The following SLC31A1 variants were observed in gnomAD, a reference collection of about 807,000 sequenced individuals.
The protein encoded by SLC31A1 is solute carrier family 31 member 1.
Under a neutral mutation model 17.2 loss-of-function variants are expected in SLC31A1, and 5 were observed. That is an observed-to-expected ratio of 0.29 (90% CI 0.15 to 0.61). The LOEUF is 0.61. Among genes scored for constraint, SLC31A1 ranks in the 20% least tolerant of loss-of-function variants. The pLI, the probability that SLC31A1 is intolerant of heterozygous loss-of-function variation, is 0.86. For synonymous variants in SLC31A1, 76 were observed against 78.8 expected (o/e 0.96, Z 0.19); for missense variants, 161 against 241.4 (o/e 0.67, Z 2.21).
In SLC31A1 at chr9:113,246,816, T is replaced by G. The variant is rs1425030393; in HGVS notation, c.-35-9298T>G. Among the ~76,000 whole-genome samples the G allele has an allele frequency of 4.6e-5, 7 of 151,950 alleles. No homozygotes were observed. The East Asian group carries it at 1.4e-3, about 29-fold the overall frequency. On this transcript the variant is annotated intron_variant, in intron 1 of 4. Coordinates refer to ENST00000374212, the MANE Select transcript of SLC31A1 (RefSeq NM_001859.4). ...AGACACACCACCACATCCAGCTAAT[T>G]TTTAGTAGAGATGGGGTTTTGCCAT... is the stretch of plus-strand genomic sequence containing the variant.
chr9:113,257,714 C>G lies in SLC31A1; in HGVS notation c.202+529C>G, dbSNP rs1022308450. Among the ~76,000 whole-genome samples, 6 of 152,032 alleles carry G rather than the reference C, an allele frequency of 3.9e-5. No homozygotes were observed. The East Asian group carries it at 1.2e-3, about 29-fold the overall frequency. On this transcript the variant is annotated intron_variant, in intron 3 of 4. Transcript: ENST00000374212. ...TGTTTGCCAGGCTGGTCTCGAACTC[C>G]TCACCTCAAGTGATCCACCCACCTC...
chr9:113,241,940 G>T (rs1450064880), intron 1 of SLC31A1, among the ~76,000 whole-genome samples: 2 of 152,152 alleles, frequency 1.3e-5, no homozygotes, highest in African/African-American at 4.8e-5. Flanking sequence ...ATATACTATG[G>T]CTCTTCAGAG....
At chr9:113,244,213 TTCTTTTAAAA>T (rs1831553615) in intron 1 of SLC31A1, among the ~76,000 whole-genome samples, 1 of 151,840 alleles carries the variant, frequency 6.6e-6, no homozygotes, top group Admixed American at 6.6e-5. Flanking sequence ...TTCTGTTTTA[TTCTTTTAAAA>T]ACTTGTCAGT....
chr9:113,230,192 A>G (rs1418851806), intron 1 of SLC31A1, among the ~76,000 whole-genome samples: 2 of 152,218 alleles, frequency 1.3e-5, no homozygotes, highest in African/African-American at 2.4e-5. Context: ...GTATGATACC[A>G]TAACAATTAC....
In SLC31A1 at chr9:113,256,254, G is replaced by A. The variant is rs1252259969; in HGVS notation, c.106G>A (p.Gly36Arg). The A allele has an allele frequency of 8.7e-6, 14 of 1,613,886 alleles. No individual in the cohort carries two copies. The highest frequency in any genetic ancestry group is 1.2e-5 in the Non-Finnish European group (14 of 1,179,998). Reference sequence around the variant, plus strand: ...TTCAGCCTCACACTCCCATGGTGGAGGAGACAGCAGCATGATGATGATGGT... The same window carrying A: ...TTCAGCCTCACACTCCCATGGTGGAAGAGACAGCAGCATGATGATGATGGT... ...TTSASHSHGG[G>R]DSSMMMMPMT... The change falls in exon 2 of 5, where the codon GGA (glycine) becomes AGA (arginine). Residue 36 changes from glycine (G) to arginine (R), a missense_variant. Gly to Arg is a moderately radical substitution (Grantham distance 125). Transcript: ENST00000374212.
intron 1 of SLC31A1, among the ~76,000 whole-genome samples, chr9:113,238,457 G>C (rs1831487234): frequency 6.6e-6 from 1 of 152,140 alleles, no homozygotes; most frequent in African/African-American, 2.4e-5. Context: ...GTCTAAAGCA[G>C]GGCATTAAAA....
At chr9:113,239,112 A>C (rs1831495099) in intron 1 of SLC31A1, among the ~76,000 whole-genome samples, 1 of 152,156 alleles carries the variant, frequency 6.6e-6, no homozygotes, top group African/African-American at 2.4e-5. Context: ...CTTTTACAGG[A>C]AATGTCACCA....
intron 1 of SLC31A1, among the ~76,000 whole-genome samples, chr9:113,243,654 C>T (rs1831545684): frequency 6.6e-6 from 1 of 152,130 alleles, no homozygotes; most frequent in South Asian, 2.1e-4. Flanking sequence ...TCCAGTGATC[C>T]TCTGAGTAGT....
intron 1 of SLC31A1, among the ~76,000 whole-genome samples, chr9:113,255,387 T>G (rs1047843818): frequency 2.0e-5 from 3 of 152,226 alleles, no homozygotes; most frequent in African/African-American, 7.2e-5. Flanking sequence ...TTATCTAATA[T>G]TTAAGTTTGA....
intron 4 of SLC31A1, among the ~76,000 whole-genome samples, chr9:113,259,086 T>C (rs758924388): frequency 1.1e-4 from 17 of 152,204 alleles, no homozygotes; most frequent in Non-Finnish European, 2.5e-4. Flanking sequence ...GTTGTACGGA[T>C]TGGCCACTTT....
Position 113,262,347 on chromosome 9 carries a change from T to G in SLC31A1, c.*1874T>G, listed in dbSNP as rs1480175077. ...TATTCTGTTCAGTTGTAGTCTACAC[T>G]GCAGTCTTATTCCTGGTTCAAACTA... On this transcript the variant is annotated 3_prime_UTR_variant, in exon 5 of 5. Coordinates refer to ENST00000374212, the MANE Select transcript of SLC31A1 (RefSeq NM_001859.4). 1 of 152,692 alleles carries G rather than the reference T, an allele frequency of 6.5e-6. No homozygotes were observed. The highest frequency in any genetic ancestry group is 1.5e-5 in the Non-Finnish European group (1 of 68,050). 9.5% of individuals were successfully genotyped at this position (152,692 alleles called of 1,614,324 possible). A position where few individuals can be genotyped will look rare whatever the true frequency, so the allele number is the denominator to read the frequency against.
intron 1 of SLC31A1, among the ~76,000 whole-genome samples, chr9:113,244,805 A>G (rs1447190163): frequency 6.6e-6 from 1 of 152,220 alleles, no homozygotes; most frequent in African/African-American, 2.4e-5. Flanking sequence ...TCCTGAGTGC[A>G]GACTATCCTT....
intron 2 of SLC31A1, 89 bp from the exon 3 acceptor site, chr9:113,257,024 T>C (rs1831736378): frequency 9.4e-7 from 1 of 1,066,178 alleles, no homozygotes; most frequent in African/African-American, 1.6e-5. Context: ...CCAGATCTTC[T>C]ACTTTTAAAT....
chr9:113,240,291 A>T (rs1049594062), intron 1 of SLC31A1, among the ~76,000 whole-genome samples: 2 of 152,022 alleles, frequency 1.3e-5, no homozygotes, highest in African/African-American at 4.8e-5. Context: ...TTTGCATCAG[A>T]CTCCTTATAG....
At chr9:113,256,564 G>A (rs13289462) in intron 2 of SLC31A1, 12,217 of 316,616 alleles carry the variant, frequency 0.039, 366 homozygotes, top group Admixed American at 0.11. Context: ...GTGGAAAAGA[G>A]AAAAAGACAA....
intron 1 of SLC31A1, among the ~76,000 whole-genome samples, chr9:113,243,394 T>C (rs1831541366): frequency 6.6e-6 from 1 of 152,202 alleles, no homozygotes; most frequent in Non-Finnish European, 1.5e-5. Flanking sequence ...GGCTGTATAA[T>C]TCATCACGTT....
At chr9:113,248,933 A>G (rs746183132) in intron 1 of SLC31A1, among the ~76,000 whole-genome samples, 5 of 152,166 alleles carry the variant, frequency 3.3e-5, no homozygotes, top group Non-Finnish European at 7.3e-5. Flanking sequence ...TCCCTACTCA[A>G]GTTCTTTTAT....
chr9:113,247,150 C>G (rs922124274), intron 1 of SLC31A1, among the ~76,000 whole-genome samples: 2 of 152,132 alleles, frequency 1.3e-5, no homozygotes, highest in African/African-American at 4.8e-5. Flanking sequence ...AAGTGCTTGC[C>G]AGAAACTTAC....
chr9:113,255,507 G>T (rs545858548), intron 1 of SLC31A1, among the ~76,000 whole-genome samples: 1 of 152,252 alleles, frequency 6.6e-6, no homozygotes, highest in East Asian at 1.9e-4. Flanking sequence ...CTTGAGCTCA[G>T]GAGTTCGAGA....
Sources: allele counts gnomAD v4.1 joint callset (sites outside exome capture counted in the v4.1 genomes callset), GRCh38; gene constraint gnomAD v4.1.1; transcripts MANE v1.5; gene names NCBI Gene and HGNC (gene_info 2026-07-23, HGNC 2026-07-21).